The following SCCPDH variants were observed in gnomAD, a reference collection of about 807,000 sequenced individuals.
SCCPDH encodes saccharopine dehydrogenase (putative).
A neutral mutation model predicts 51.5 loss-of-function variants in SCCPDH; 34 were observed. The observed-to-expected ratio is 0.66, with a 90% confidence interval of 0.50 to 0.88. SCCPDH has a LOEUF of 0.88. Among genes scored for constraint, SCCPDH ranks in the 40% least tolerant of loss-of-function variants. The pLI, the probability that SCCPDH is intolerant of heterozygous loss-of-function variation, is 0.00. For synonymous variants in SCCPDH, 187 were observed against 191.3 expected (o/e 0.98, Z 0.19); for missense variants, 464 against 527.1 (o/e 0.88, Z 1.17).
intron 3 of SCCPDH, 126 bp downstream of exon 3, chr1:246,736,181 T>C (rs1052068862): frequency 6.3e-6 from 4 of 635,176 alleles, no homozygotes; most frequent in Non-Finnish European, 1.1e-5. Context: ...CATTCAGATA[T>C]GGTATTCGTG....
chr1:246,758,986 A>G (rs1668973157), intron 6 of SCCPDH, 48 bp from the exon 7 acceptor site: 2 of 1,062,464 alleles, frequency 1.9e-6, no homozygotes, highest in African/African-American at 3.1e-5. Context: ...TTACCAGCCA[A>G]AGTTGTAATT....
rs897931078 is a variant in SCCPDH at position 246,739,110 on chromosome 1, TTG to T, written c.385-1058_385-1057del. 1.6e-4 allele frequency among the ~76,000 whole-genome samples: 25 copies of T among 151,884 alleles called. 1 individual carries two copies. The highest frequency in any genetic ancestry group is 5.6e-4 in the African/African-American group (23 of 41,334). On this transcript the variant is annotated intron_variant, in intron 3 of 11. Transcript: ENST00000366510. Reference sequence around the variant, plus strand: ...ATGAATGGGTGTGTGTGGTGTGTGTTTGTGTCTGGTATGTGCTTGAACAGGTG... The same window carrying T: ...ATGAATGGGTGTGTGTGGTGTGTGTTTGTCTGGTATGTGCTTGAACAGGTG...
At chr1:246,761,743 A>ATGAT (rs1191559242) in intron 9 of SCCPDH, among the ~76,000 whole-genome samples, 1 of 152,328 alleles carries the variant, frequency 6.6e-6, no homozygotes, top group South Asian at 2.1e-4. Flanking sequence ...TTAAGGGTGA[A>ATGAT]TGATTGTCTG....
intron 6 of SCCPDH, among the ~76,000 whole-genome samples, chr1:246,758,763 C>T (rs1251973069): frequency 1.4e-4 from 21 of 151,544 alleles, no homozygotes; most frequent in Admixed American, 7.9e-4. Flanking sequence ...TACTGCAGGA[C>T]ATATGTGAGA....
At position 246,749,842 on chromosome 1, in the gene SCCPDH, A is replaced by G. The variant is rs115560206; in HGVS notation, c.564+5717A>G. 4.5e-3 allele frequency among the ~76,000 whole-genome samples: 683 copies of G among 152,318 alleles called. 6 individuals are homozygous for G. Among genetic ancestry groups the G allele is most frequent in the African/African-American group, 0.015 (637 of 41,566 alleles). On this transcript the variant is annotated intron_variant, in intron 5 of 11. Transcript: ENST00000366510. ...CTAGGAAGGATAAAGATACTTTTCT[A>G]AAGTGTAGATTTGCCTCTGGTTTGA...
intron 5 of SCCPDH, among the ~76,000 whole-genome samples, chr1:246,753,959 A>G (rs1668892771): frequency 6.6e-6 from 1 of 151,824 alleles, no homozygotes; most frequent in South Asian, 2.1e-4. Context: ...TTTTAACATG[A>G]GACCTAGGGG....
intron 2 of SCCPDH, among the ~76,000 whole-genome samples, chr1:246,735,049 G>T (rs1668546435): frequency 6.6e-6 from 1 of 152,140 alleles, no homozygotes; most frequent in African/African-American, 2.4e-5. Context: ...GTCCAGCCCA[G>T]CTAGTCAGGA....
intron 5 of SCCPDH, among the ~76,000 whole-genome samples, chr1:246,745,288 G>C (rs1210980631): frequency 6.6e-6 from 1 of 152,144 alleles, no homozygotes; most frequent in Non-Finnish European, 1.5e-5. Flanking sequence ...CCCAGTTCTA[G>C]GTCTGCACTG....
At chr1:246,740,384 C>A in intron 4 of SCCPDH, 83 bp downstream of exon 4, 4 of 1,246,970 alleles carry the variant, frequency 3.2e-6, no homozygotes, top group Non-Finnish European at 2.2e-6. Flanking sequence ...GAACTAAAAT[C>A]TAGTTGAAAA....
chr1:246,733,842 A>G (rs1168074603), intron 2 of SCCPDH, among the ~76,000 whole-genome samples: 1 of 152,240 alleles, frequency 6.6e-6, no homozygotes, highest in African/African-American at 2.4e-5. Flanking sequence ...AATTAGTTTT[A>G]TGTGTGACTC....
At chr1:246,728,576 C>T (rs774796936) in intron 2 of SCCPDH, among the ~76,000 whole-genome samples, 2 of 152,226 alleles carry the variant, frequency 1.3e-5, no homozygotes, top group Non-Finnish European at 2.9e-5. Context: ...TGCTCTATTT[C>T]CCTCAGGAAT....
At chr1:246,757,268 T>C (rs915656300) in intron 5 of SCCPDH, among the ~76,000 whole-genome samples, 3 of 142,254 alleles carry the variant, frequency 2.1e-5, no homozygotes, top group Non-Finnish European at 4.5e-5. Context: ...TGCTTGAACC[T>C]AGGAGGCAGA....
At chr1:246,741,301 A>G (rs997541799) in intron 4 of SCCPDH, among the ~76,000 whole-genome samples, 7 of 152,134 alleles carry the variant, frequency 4.6e-5, no homozygotes, top group Non-Finnish European at 7.3e-5. Flanking sequence ...AAAAGAAAAT[A>G]CTATATAAAA....
At chr1:246,724,692 G>T in intron 1 of SCCPDH, 80 bp downstream of exon 1, 1 of 1,256,018 alleles carries the variant, frequency 8.0e-7, no homozygotes, top group Non-Finnish European at 1.0e-6. Flanking sequence ...CGTTTCTCCC[G>T]CAGGGATGCG....
At chr1:246,727,890 ATTT>A (rs910651606) in intron 2 of SCCPDH, among the ~76,000 whole-genome samples, 5 of 151,874 alleles carry the variant, frequency 3.3e-5, no homozygotes, top group African/African-American at 1.2e-4. Flanking sequence ...CAGGATGTGG[ATTT>A]TTTTTCCAGG....
Position 246,740,237 on chromosome 1 carries a change from A to G in SCCPDH, c.450A>G (p.Gly150=). ...CAGACAAAGGGGTTTATATCATTGG[A>G]AGCAGCGGCTTTGACTCCATTCCAG... is the stretch of plus-strand genomic sequence containing the variant. ...KAADKGVYII[G]SSGFDSIPAD... Residue 150 remains glycine, a synonymous_variant, in exon 4 of 12, where the codon GGA becomes GGG. Coordinates refer to ENST00000366510, the MANE Select transcript of SCCPDH (RefSeq NM_016002.3). 6.2e-7 allele frequency: 1 copy of G among 1,610,608 alleles called. No individual in the cohort carries two copies. Among genetic ancestry groups the G allele is most frequent in the Non-Finnish European group, 8.5e-7 (1 of 1,177,242 alleles).
rs200125216 is a variant in SCCPDH at position 246,724,416 on chromosome 1, A to G, written c.-7A>G. On this transcript the variant is annotated 5_prime_UTR_variant, in exon 1 of 12. Transcript: ENST00000366510. Reference sequence around the variant, plus strand: ...GCCCCGGGGCCTGGGCTCGCTGTGGACTCGTCATGGCGACCGAGCAGAGGC... The same window carrying G: ...GCCCCGGGGCCTGGGCTCGCTGTGGGCTCGTCATGGCGACCGAGCAGAGGC... 1.3e-6 allele frequency: 2 copies of G among 1,558,504 alleles called. No individual in the cohort carries two copies. The highest frequency in any genetic ancestry group is 2.4e-5 in the South Asian group (2 of 84,634).
intron 9 of SCCPDH, among the ~76,000 whole-genome samples, chr1:246,761,187 C>T (rs556038047): frequency 6.6e-6 from 1 of 152,160 alleles, no homozygotes; most frequent in Non-Finnish European, 1.5e-5. Context: ...GCTAATCCCC[C>T]GCCTGTGCAC....
At chr1:246,731,877 C>T (rs759740048) in intron 2 of SCCPDH, among the ~76,000 whole-genome samples, 3 of 151,482 alleles carry the variant, frequency 2.0e-5, no homozygotes, top group Admixed American at 1.3e-4. Flanking sequence ...CCCCACCCCA[C>T]GACAGGCCCC....
Sources: gnomAD v4.1 joint callset for allele counts (sites outside exome capture counted in the v4.1 genomes callset) on GRCh38, gnomAD v4.1.1 for gene constraint, MANE v1.5 for transcripts, NCBI Gene and HGNC (gene_info 2026-07-23, HGNC 2026-07-21) for gene names.